Variants in ROBO2 observed in about 807,000 individuals in gnomAD.
The protein encoded by ROBO2 is roundabout guidance receptor 2.
ROBO2 carries 53 observed loss-of-function variants against 160.8 expected under a neutral mutation model. That is an observed-to-expected ratio of 0.33 (90% CI 0.26 to 0.41). The LOEUF (loss-of-function observed/expected upper bound fraction) is 0.41, where lower values mean the gene tolerates loss of function less well. Ranked by LOEUF, ROBO2 falls within the 10% of genes least tolerant of loss-of-function variation. The pLI is 1.00. For missense variants in ROBO2, 1,577 were observed against 1,722.4 expected, an observed-to-expected ratio of 0.92 and a Z score of 1.49; for synonymous variants, 664 against 611.7, an observed-to-expected ratio of 1.09 and a Z score of -1.26.
intron 2 of ROBO2, among the ~76,000 whole-genome samples, chr3:77,475,770 G>A (rs1208437394): frequency 1.3e-5 from 2 of 152,122 alleles, no homozygotes; most frequent in Non-Finnish European, 2.9e-5. Flanking sequence ...AGGGAACCAC[G>A]GTGTTAACCC....
At chr3:77,279,891 GACATT>G (rs1488708811) in intron 2 of ROBO2, among the ~76,000 whole-genome samples, 3 of 152,072 alleles carry the variant, frequency 2.0e-5, no homozygotes, top group African/African-American at 7.2e-5. Context: ...TACACACACA[GACATT>G]ACATTATTCA....
chr3:77,550,823 A>G (rs1266348863), exon 8 of ROBO2: 4 of 1,612,800 alleles, frequency 2.5e-6, no homozygotes, highest in Non-Finnish European at 3.4e-6. Flanking sequence ...CACAGAACCT[A>G]CTTTTCCCAA....
intron 24 of ROBO2, among the ~76,000 whole-genome samples, chr3:77,642,139 G>A (rs904836451): frequency 6.6e-6 from 1 of 152,188 alleles, no homozygotes; most frequent in Non-Finnish European, 1.5e-5. Flanking sequence ...TTTAATAAAT[G>A]TTAGTTTAAT....
At chr3:76,454,717 T>G (rs933934741) in intron 2 of ROBO2, among the ~76,000 whole-genome samples, 3 of 152,136 alleles carry the variant, frequency 2.0e-5, no homozygotes, top group Non-Finnish European at 4.4e-5. Flanking sequence ...AAGCACATAT[T>G]AAATAATTTT....
At chr3:76,573,854 T>A (rs1170537769) in intron 2 of ROBO2, among the ~76,000 whole-genome samples, 1 of 152,092 alleles carries the variant, frequency 6.6e-6, no homozygotes, top group Non-Finnish European at 1.5e-5. Context: ...GCATGAAATG[T>A]TCTTGAGTAA....
intron 2 of ROBO2, among the ~76,000 whole-genome samples, chr3:77,423,684 G>T (rs1169003476): frequency 6.6e-6 from 1 of 152,090 alleles, no homozygotes; most frequent in African/African-American, 2.4e-5. Flanking sequence ...ATATTCACAA[G>T]AAGACTTAAG....
At chr3:76,599,906 C>A (rs1553823502) in intron 2 of ROBO2, among the ~76,000 whole-genome samples, 1 of 151,530 alleles carries the variant, frequency 6.6e-6, no homozygotes, top group East Asian at 1.9e-4. Flanking sequence ...TTTGTTTTTT[C>A]TTGCAAATTT....
intron 2 of ROBO2, among the ~76,000 whole-genome samples, chr3:76,633,205 A>T (rs1324297484): frequency 6.6e-6 from 1 of 152,206 alleles, no homozygotes; most frequent in Non-Finnish European, 1.5e-5. Flanking sequence ...TAAAAGAAAG[A>T]TGATTTATAA....
At chr3:76,153,402 G>T (rs2072282361) in intron 2 of ROBO2, among the ~76,000 whole-genome samples, 1 of 152,120 alleles carries the variant, frequency 6.6e-6, no homozygotes, top group African/African-American at 2.4e-5. Context: ...TCAAGTGAAT[G>T]GATGCACAAA....
chr3:76,737,291 A>AT (rs1308940921), intron 2 of ROBO2, among the ~76,000 whole-genome samples: 3 of 150,888 alleles, frequency 2.0e-5, no homozygotes, highest in African/African-American at 7.3e-5. Context: ...GGTTTATTAC[A>AT]TTGGTCTTTT....
chr3:77,344,162 G>A (rs2067369006), intron 2 of ROBO2, among the ~76,000 whole-genome samples: 1 of 152,092 alleles, frequency 6.6e-6, no homozygotes, highest in African/African-American at 2.4e-5. Context: ...CTGAGAAGAT[G>A]GTGAGAAGGA....
intron 2 of ROBO2, among the ~76,000 whole-genome samples, chr3:77,004,382 G>C (rs926823982): frequency 1.3e-5 from 2 of 152,128 alleles, no homozygotes; most frequent in Non-Finnish European, 2.9e-5. Flanking sequence ...GTTCTTTGTT[G>C]CTTGCTGGCA....
intron 2 of ROBO2, among the ~76,000 whole-genome samples, chr3:76,948,897 TATATATA>T (rs2078758756): frequency 3.3e-5 from 1 of 30,676 alleles, no homozygotes; most frequent in Non-Finnish European, 5.9e-5. Flanking sequence ...TATATATATA[TATATATA>T]TATATTTTTT....
At chr3:77,057,326 G>A (rs1054134870) in intron 1 of ROBO2, among the ~76,000 whole-genome samples, 8 of 152,166 alleles carry the variant, frequency 5.3e-5, no homozygotes, top group South Asian at 2.1e-4. Context: ...TGAGGGGAGC[G>A]GGGAGAGATA....
At chr3:76,872,155 A>G (rs910571336) in intron 2 of ROBO2, among the ~76,000 whole-genome samples, 1 of 152,160 alleles carries the variant, frequency 6.6e-6, no homozygotes, top group Non-Finnish European at 1.5e-5. Flanking sequence ...AGTAATTATC[A>G]GTTGAACAAT....
chr3:76,251,110 C>T (rs767444362), intron 2 of ROBO2, among the ~76,000 whole-genome samples: 1 of 151,994 alleles, frequency 6.6e-6, no homozygotes, highest in Non-Finnish European at 1.5e-5. Context: ...CTTCCTACCC[C>T]TGCAGCCTTT....
intron 24 of ROBO2, among the ~76,000 whole-genome samples, chr3:77,635,817 C>A (rs936872914): frequency 6.6e-6 from 1 of 152,178 alleles, no homozygotes; most frequent in African/African-American, 2.4e-5. Context: ...CACCACATTT[C>A]TCAGAACTTA....
chr3:76,323,173 A>ACACACACACACC (rs1185191053), intron 2 of ROBO2, among the ~76,000 whole-genome samples: 32 of 150,972 alleles, frequency 2.1e-4, no homozygotes, highest in African/African-American at 7.8e-4. Flanking sequence ...ACACACACAC[A>ACACACACACACC]CACCCCTAAA....
rs546966785 is a variant in ROBO2, at chr3:76,920,296, A to G, written c.110-177718A>G. ...AATAAAAACTCACCTTTATTAGCTTATTCATAAAACAGTCTCTAAAGCAGA... is the reference window on the plus strand; with the variant it reads ...AATAAAAACTCACCTTTATTAGCTTGTTCATAAAACAGTCTCTAAAGCAGA... On this transcript the variant is annotated intron_variant, in intron 2 of 26. Coordinates refer to the ROBO2 transcript ENST00000487694. Among the ~76,000 whole-genome samples, 5 of 152,302 alleles carry G rather than the reference A, an allele frequency of 3.3e-5. No homozygotes were observed. In the South Asian group the frequency reaches 1.0e-3, roughly 32 times the overall value.
Sources: gnomAD v4.1 joint callset for allele counts (sites outside exome capture counted in the v4.1 genomes callset) on GRCh38, gnomAD v4.1.1 for gene constraint, MANE v1.5 for transcripts, NCBI Gene and HGNC (gene_info 2026-07-23, HGNC 2026-07-21) for gene names.